Variants in OSBPL9 observed in about 807,000 individuals in gnomAD.
OSBPL9 encodes the protein oxysterol binding protein like 9.
In OSBPL9, 40 loss-of-function variants were observed where a neutral mutation model predicts 106.6. The observed-to-expected ratio is 0.38, with a 90% CI of 0.29 to 0.49. OSBPL9 has a LOEUF of 0.49. OSBPL9 is among the 20% of genes least tolerant of loss of function. The pLI, the probability that OSBPL9 is intolerant of heterozygous loss-of-function variation, is 0.97. For synonymous variants in OSBPL9, 269 were observed against 295.4 expected (o/e 0.91, Z 0.92); for missense variants, 609 against 887.2 (o/e 0.69, Z 3.98).
At chr1:51,633,493 G>A (rs998460234) in intron 1 of OSBPL9, among the ~76,000 whole-genome samples, 3 of 151,712 alleles carry the variant, frequency 2.0e-5, no homozygotes, top group Admixed American at 1.3e-4. Context: ...GAATGGGTGC[G>A]AGGTAGAAGG....
At chr1:51,685,315 C>T (rs1557687221) in intron 3 of OSBPL9, among the ~76,000 whole-genome samples, 1 of 152,106 alleles carries the variant, frequency 6.6e-6, no homozygotes, top group Non-Finnish European at 1.5e-5. Flanking sequence ...TATAGTAATT[C>T]TGGTAATGCG....
At chr1:51,520,161 C>T in the OSBPL9 span, among the ~76,000 whole-genome samples, 8 of 152,300 alleles carry the variant, frequency 5.3e-5, no homozygotes, top group East Asian at 1.5e-3. Context: ...CCTATCTATC[C>T]CTCTAGATTA....
At chr1:51,635,527 A>G (rs907824551) in intron 1 of OSBPL9, among the ~76,000 whole-genome samples, 3 of 152,098 alleles carry the variant, frequency 2.0e-5, no homozygotes, top group African/African-American at 4.8e-5. Context: ...CCAAAGAAGT[A>G]TATTTTGGGG....
chr1:51,700,154 C>A, intron 3 of OSBPL9, among the ~76,000 whole-genome samples: 1 of 152,188 alleles, frequency 6.6e-6, no homozygotes, highest in East Asian at 1.9e-4. Flanking sequence ...TTGTGCCATG[C>A]GGAGCCTGTT....
At chr1:51,569,376 A>G in the OSBPL9 span, among the ~76,000 whole-genome samples, 5 of 152,100 alleles carry the variant, frequency 3.3e-5, no homozygotes, top group African/African-American at 1.2e-4. Flanking sequence ...ATTAACATTC[A>G]GGTTTAGAGT....
chr1:51,563,084 C>T, the OSBPL9 span, among the ~76,000 whole-genome samples: 57 of 152,184 alleles, frequency 3.7e-4, no homozygotes, highest in South Asian at 1.9e-3. Context: ...GTGGCACGTG[C>T]CTGTAGTCCC....
At chr1:51,638,414 A>G (rs1275644502) in intron 1 of OSBPL9, among the ~76,000 whole-genome samples, 1 of 152,102 alleles carries the variant, frequency 6.6e-6, no homozygotes, top group African/African-American at 2.4e-5. Context: ...ATTAAATGCT[A>G]TCAGGATGGC....
chr1:51,649,680 C>A (rs1473995681), intron 1 of OSBPL9, among the ~76,000 whole-genome samples: 6 of 150,980 alleles, frequency 4.0e-5, no homozygotes, highest in Admixed American at 4.0e-4. Context: ...CTGGGAGGAG[C>A]CTTCTGGAGT....
chr1:51,723,715 A>G (rs1419916106), intron 4 of OSBPL9, among the ~76,000 whole-genome samples: 2 of 152,080 alleles, frequency 1.3e-5, no homozygotes, highest in East Asian at 3.9e-4. Context: ...GTGCTGAATA[A>G]TATTTCATTA....
Position 51,729,748 on chromosome 1 carries a change from A to C in OSBPL9, c.318+15669A>C. On this transcript the variant is annotated intron_variant, in intron 4 of 23. Coordinates refer to ENST00000428468, the MANE Select transcript of OSBPL9 (RefSeq NM_024586.6). This position sits in a 1 kb window ranked among gnomAD's most constrained non-coding sequence, Gnocchi z 5.1. ...AATCGCCAGGGGTCTCTTTGCCAGGAGCCGCCAGGGCCAGCCAATCGGGGC... is the reference window on the plus strand; with the variant it reads ...AATCGCCAGGGGTCTCTTTGCCAGGCGCCGCCAGGGCCAGCCAATCGGGGC... 1.8e-6 allele frequency: 2 copies of C among 1,108,726 alleles called. No individual in the cohort carries two copies. Among genetic ancestry groups the C allele is most frequent in the South Asian group, 4.8e-5 (1 of 21,048 alleles). The allele number at this position is 1,108,726 out of a possible 1,614,324, so 68.7% of individuals were successfully genotyped here.
chr1:51,665,007 A>G (rs1648096084), intron 2 of OSBPL9, among the ~76,000 whole-genome samples: 1 of 152,236 alleles, frequency 6.6e-6, no homozygotes, highest in Non-Finnish European at 1.5e-5. Context: ...GATAAGATTC[A>G]CGGCAGTGTT....
At chr1:51,631,622 G>A (rs1160122585) in intron 1 of OSBPL9, among the ~76,000 whole-genome samples, 1 of 152,132 alleles carries the variant, frequency 6.6e-6, no homozygotes, top group Non-Finnish European at 1.5e-5. Flanking sequence ...CAGAATAATG[G>A]CTGACAATCA....
At chr1:51,764,975 TC>T (rs1439425101) in intron 11 of OSBPL9, among the ~76,000 whole-genome samples, 2 of 152,254 alleles carry the variant, frequency 1.3e-5, no homozygotes, top group African/African-American at 4.8e-5. Context: ...ACTTTAGTCT[TC>T]ACCAGACATC....
Position 51,789,089 on chromosome 1 carries a change from C to T in OSBPL9, c.*1300C>T, listed in dbSNP as rs544268728. On this transcript the variant is annotated 3_prime_UTR_variant, in exon 24 of 24. Transcript: ENST00000428468. ...GTAACCCTGGGTTTATTAGTCTCAA[C>T]AAAGGATAAAAAGTAAATCAAATGC... 2.6e-5 allele frequency: 21 copies of T among 797,058 alleles called. No individual in the cohort carries two copies. The highest frequency in any genetic ancestry group is 3.7e-4 in the Middle Eastern group (1 of 2,692). The allele number at this position is 797,058 out of a possible 1,614,324, so 49.4% of individuals were successfully genotyped here.
chr1:51,549,604 G>A, the OSBPL9 span, among the ~76,000 whole-genome samples: 1 of 152,178 alleles, frequency 6.6e-6, no homozygotes, highest in African/African-American at 2.4e-5. Context: ...GGCTGAGATG[G>A]GCAGATCACT....
intron 4 of OSBPL9, chr1:51,730,173 C>T: frequency 1.6e-6 from 2 of 1,239,918 alleles, no homozygotes; most frequent in South Asian, 4.2e-5. Flanking sequence ...TGGGAGTTCT[C>T]AGTTCCTCAG....
At chr1:51,608,458 A>AT (rs1643963107) in intron 2 of OSBPL9, among the ~76,000 whole-genome samples, 2 of 137,200 alleles carry the variant, frequency 1.5e-5, no homozygotes, top group Admixed American at 7.0e-5. Flanking sequence ...ATGCCCAGCT[A>AT]ATTTTTTTTT....
chr1:51,762,767 G>A (rs1376326425), intron 11 of OSBPL9, among the ~76,000 whole-genome samples: 1 of 152,154 alleles, frequency 6.6e-6, no homozygotes, highest in African/African-American at 2.4e-5. Flanking sequence ...AGAACACTTA[G>A]AGCACTTTCC....
At chr1:51,669,689 G>A in intron 3 of OSBPL9, 177 bp downstream of exon 3, 1 of 691,236 alleles carries the variant, frequency 1.4e-6, no homozygotes, top group Non-Finnish European at 2.6e-6. Context: ...TATCTGCAAT[G>A]GATGTAGATC....
Sources: gnomAD v4.1 joint callset for allele counts (sites outside exome capture counted in the v4.1 genomes callset) on GRCh38, gnomAD v4.1.1 for gene constraint, Gnocchi (gnomAD v3.1) non-coding constraint, MANE v1.5 for transcripts, NCBI Gene and HGNC (gene_info 2026-07-23, HGNC 2026-07-21) for gene names.